The following ZNF438 variants were observed in gnomAD, a reference collection of about 807,000 sequenced individuals.
ZNF438 encodes zinc finger protein 438.
ZNF438 carries 25 observed loss-of-function variants against 38.0 expected under a neutral mutation model. That is an observed-to-expected ratio of 0.66 (90% CI 0.48 to 0.92). ZNF438 has a LOEUF of 0.92. Ranked by LOEUF, ZNF438 falls within the 40% of genes least tolerant of loss-of-function variation. The pLI, the probability that ZNF438 is intolerant of heterozygous loss-of-function variation, is 0.00. For missense variants in ZNF438, 1,007 were observed against 999.6 expected, an observed-to-expected ratio of 1.01 and a Z score of -0.10; for synonymous variants, 372 against 364.1, an observed-to-expected ratio of 1.02 and a Z score of -0.25.
At chr10:30,889,566 C>A (rs544031120) in intron 3 of ZNF438, among the ~76,000 whole-genome samples, 2 of 152,102 alleles carry the variant, frequency 1.3e-5, no homozygotes, top group Admixed American at 6.5e-5. Context: ...CCACCACATG[C>A]GGCTCCTGTT....
At chr10:31,008,718 G>T (rs1213900621) in intron 1 of ZNF438, among the ~76,000 whole-genome samples, 1 of 152,128 alleles carries the variant, frequency 6.6e-6, no homozygotes, top group African/African-American at 2.4e-5. Flanking sequence ...TTAGCTATTA[G>T]GAATAATGTT....
chr10:30,849,952 G>C (rs770342526), exon 5 of ZNF438: 7 of 1,614,166 alleles, frequency 4.3e-6, no homozygotes, highest in Non-Finnish European at 5.1e-6. Context: ...TTTGGGTTTG[G>C]GCAGGAGCTT....
chr10:30,932,574 T>A (rs1340750004), intron 2 of ZNF438, among the ~76,000 whole-genome samples: 1 of 152,152 alleles, frequency 6.6e-6, no homozygotes, highest in Non-Finnish European at 1.5e-5. Flanking sequence ...CAAGATCACA[T>A]AGCAAATAAG....
chr10:30,930,255 C>G (rs2045496626), intron 2 of ZNF438, among the ~76,000 whole-genome samples: 1 of 152,096 alleles, frequency 6.6e-6, no homozygotes, highest in Admixed American at 6.5e-5. Flanking sequence ...AGAATTCAAG[C>G]ACGACGTGGG....
chr10:30,847,272 C>T (rs1228728837), intron 5 of ZNF438, among the ~76,000 whole-genome samples: 9 of 152,266 alleles, frequency 5.9e-5, no homozygotes, highest in South Asian at 4.1e-4. Context: ...ACCAACTGCA[C>T]GCATTTCCTC....
intron 2 of ZNF438, among the ~76,000 whole-genome samples, chr10:30,917,045 A>G (rs1036238417): frequency 2.0e-5 from 3 of 151,774 alleles, no homozygotes; most frequent in Admixed American, 6.6e-5. Flanking sequence ...GTACCATTCC[A>G]TAAGTTTTTT....
chr10:30,882,984 C>G (rs1285295565), intron 3 of ZNF438, among the ~76,000 whole-genome samples: 4 of 152,058 alleles, frequency 2.6e-5, no homozygotes, highest in Non-Finnish European at 5.9e-5. Flanking sequence ...TTACTATGCA[C>G]TCTGGAAAAG....
chr10:30,993,948 G>C (rs1009122117), intron 1 of ZNF438, among the ~76,000 whole-genome samples: 1 of 152,222 alleles, frequency 6.6e-6, no homozygotes, highest in East Asian at 1.9e-4. Context: ...TTTCCTTGTT[G>C]GGTTTTCGTT....
At position 30,848,790 on chromosome 10, in the gene ZNF438, T is replaced by TC. The variant is rs2032910258; in HGVS notation, c.1614dup (p.Ile539AspfsTer22). 6.2e-7 allele frequency: 1 copy of TC among 1,614,104 alleles called. No homozygotes were observed. The highest frequency in any genetic ancestry group is 1.3e-5 in the African/African-American group (1 of 74,934). Reference sequence around the variant, plus strand: ...GGACGTACATAGGACTTGCGACAAATCCGACAACTGTAAGGGCGTCTGTTG... The same window carrying TC: ...GGACGTACATAGGACTTGCGACAAATCCCGACAACTGTAAGGGCGTCTGTTG... On this transcript the variant is annotated frameshift_variant, in exon 5 of 6. Coordinates refer to ENST00000413025, the Ensembl canonical transcript of ZNF438. LOFTEE classifies it high-confidence loss of function.
chr10:30,946,197 G>A (rs552546510), intron 1 of ZNF438, among the ~76,000 whole-genome samples: 1 of 152,270 alleles, frequency 6.6e-6, no homozygotes, highest in South Asian at 2.1e-4. Context: ...ATCAATTCAA[G>A]ACGGATTAAA....
intron 4 of ZNF438, among the ~76,000 whole-genome samples, chr10:30,860,409 A>G (rs756433333): frequency 2.6e-5 from 4 of 152,234 alleles, no homozygotes; most frequent in African/African-American, 9.6e-5. Context: ...CTCTCGTGTC[A>G]TGTAACACAG....
chr10:30,986,209 T>C (rs772400361), intron 1 of ZNF438, among the ~76,000 whole-genome samples: 2 of 152,196 alleles, frequency 1.3e-5, no homozygotes, highest in African/African-American at 4.8e-5. Context: ...AAGCAATGTA[T>C]GGCTGTTCAC....
intron 1 of ZNF438, among the ~76,000 whole-genome samples, chr10:30,970,739 T>C (rs980161091): frequency 9.9e-5 from 15 of 152,194 alleles, no homozygotes; most frequent in Non-Finnish European, 1.9e-4. Context: ...AAGGGCACAA[T>C]GGAAGACTTC....
chr10:30,849,023 A>C, exon 5 of ZNF438: 1 of 1,614,190 alleles, frequency 6.2e-7, no homozygotes, highest in Non-Finnish European at 8.5e-7. Context: ...TAGGCCCCCA[A>C]GCATCTGGGA....
intron 1 of ZNF438, among the ~76,000 whole-genome samples, chr10:31,020,718 G>GCAGT (rs2056531779): frequency 6.6e-6 from 1 of 151,290 alleles, no homozygotes; most frequent in African/African-American, 2.4e-5. Flanking sequence ...ATATCTTTTA[G>GCAGT]TAAACAACAG....
intron 2 of ZNF438, among the ~76,000 whole-genome samples, chr10:30,928,730 G>A (rs1434574085): frequency 6.6e-6 from 1 of 152,084 alleles, no homozygotes; most frequent in African/African-American, 2.4e-5. Context: ...CTGTCCCCGA[G>A]TCCTGGTCTA....
chr10:30,998,907 C>T (rs907599543), intron 1 of ZNF438, among the ~76,000 whole-genome samples: 7 of 152,148 alleles, frequency 4.6e-5, no homozygotes, highest in African/African-American at 1.4e-4. Context: ...TATTTCCATA[C>T]ACTTTCTGAA....
chr10:31,025,093 G>A (rs2056852362), intron 1 of ZNF438, among the ~76,000 whole-genome samples: 1 of 152,000 alleles, frequency 6.6e-6, no homozygotes, highest in Admixed American at 6.6e-5. Context: ...ACTAAAAGCA[G>A]TACAACACAA....
intron 1 of ZNF438, among the ~76,000 whole-genome samples, chr10:30,990,862 C>CT (rs573471697): frequency 0.1 from 14,811 of 145,784 alleles, 844 homozygotes; most frequent in African/African-American, 0.17. Flanking sequence ...GAAGATATAT[C>CT]TTTTTTTTTT....
Sources: allele counts gnomAD v4.1 joint callset (sites outside exome capture counted in the v4.1 genomes callset), GRCh38; gene constraint gnomAD v4.1.1; transcripts MANE v1.5; gene names NCBI Gene and HGNC (gene_info 2026-07-23, HGNC 2026-07-21).